Variants in WDR43 observed in about 807,000 individuals in gnomAD.
WDR43 encodes the protein WD repeat-containing protein 43.
Under a neutral mutation model 91.4 loss-of-function variants are expected in WDR43, and 13 were observed. The observed-to-expected ratio is 0.14, with a 90% CI of 0.09 to 0.23. The LOEUF (loss-of-function observed/expected upper bound fraction) is 0.23. WDR43 is among the 10% of genes least tolerant of loss of function. The pLI is 1.00. For synonymous variants in WDR43, 331 were observed against 287.9 expected, an observed-to-expected ratio of 1.15 and a Z score of -1.51; for missense variants, 780 against 809.4, an observed-to-expected ratio of 0.96 and a Z score of 0.44.
chr2:28,901,182 C>A (rs1402281273), intron 1 of WDR43, among the ~76,000 whole-genome samples: 1 of 152,058 alleles, frequency 6.6e-6, no homozygotes, highest in Non-Finnish European at 1.5e-5. Context: ...GGCTGGTGAG[C>A]CGTAATTTAA....
chr2:28,920,249 AGAGTCTTGCTCTGTCACCCAGGCTG>A (rs1670999032), intron 6 of WDR43, among the ~76,000 whole-genome samples: 1 of 132,874 alleles, frequency 7.5e-6, no homozygotes, highest in South Asian at 2.4e-4. Flanking sequence ...TTTTTGAGAC[AGAGTCTTGCTCTGTCACCCAGGCTG>A]GAGTGTAGTG....
Position 28,935,516 on chromosome 2 carries a change from C to T in WDR43, c.1438-5C>T, listed in dbSNP as rs1357667264. On this transcript the variant is annotated splice_polypyrimidine_tract_variant and splice_region_variant and intron_variant, in intron 11 of 17. Transcript: ENST00000407426. ...CATCTTAATAATCCTTTTATTTTCT[C>T]ACAGAAAGTACTTCAAACTAGGAAT... 2 of 1,567,550 alleles carry T rather than the reference C, an allele frequency of 1.3e-6. No individual in the cohort carries two copies. The highest frequency in any genetic ancestry group is 3.8e-5 in the Admixed American group (2 of 53,282).
chr2:28,925,881 C>T (rs1671129066), intron 8 of WDR43, among the ~76,000 whole-genome samples: 1 of 152,100 alleles, frequency 6.6e-6, no homozygotes, highest in Non-Finnish European at 1.5e-5. Flanking sequence ...TGTTTGCAGC[C>T]ATTGTTGACT....
intron 2 of WDR43, among the ~76,000 whole-genome samples, chr2:28,903,645 T>TC (rs1295278039): frequency 6.6e-6 from 1 of 152,136 alleles, no homozygotes. Flanking sequence ...CCTATATTCT[T>TC]CCCCCCTCCT....
chr2:28,943,988 G>T (rs907951384), intron 16 of WDR43, among the ~76,000 whole-genome samples: 1 of 152,194 alleles, frequency 6.6e-6, no homozygotes, highest in African/African-American at 2.4e-5. Context: ...CAAAGTGCTT[G>T]TGTGTATCCC....
Position 28,918,158 on chromosome 2 carries a change from A to G in WDR43, c.849+163A>G, listed in dbSNP as rs2148187356. 2.6e-5 allele frequency among the ~76,000 whole-genome samples: 4 copies of G among 152,324 alleles called. 1 individual carries two copies. Among genetic ancestry groups the G allele is most frequent in the Admixed American group, 2.6e-4 (4 of 15,300 alleles). ...TGTTCAAAGGAACTTAAATCACTGT[A>G]ATAATCTCTTATGGGGGAAGGGAAA... On this transcript the variant is annotated intron_variant, in intron 6 of 17. Coordinates refer to ENST00000407426, the MANE Select transcript of WDR43 (RefSeq NM_015131.3).
At chr2:28,909,283 C>T (rs1448625679) in intron 3 of WDR43, among the ~76,000 whole-genome samples, 1 of 152,078 alleles carries the variant, frequency 6.6e-6, no homozygotes, top group Non-Finnish European at 1.5e-5. Context: ...GGATTATGGG[C>T]ACCTGCCACC....
At chr2:28,938,597 ACTTTAAG>A (rs1671378346) in intron 14 of WDR43, among the ~76,000 whole-genome samples, 1 of 152,024 alleles carries the variant, frequency 6.6e-6, no homozygotes, top group Non-Finnish European at 1.5e-5. Flanking sequence ...CTAGTGCTTT[ACTTTAAG>A]CTTTAAGTTT....
In WDR43 at chr2:28,929,680, C is replaced by T; in HGVS notation, c.1407C>T (p.Gly469=). ...GCTTTCCAGTTCTTCTTACCCAGGG[C>T]TTAGAAAGTAACGATTTTGAAATGC... The part of the protein sequence containing the change: ...TNSFPVLLTQ[G]LESNDFEMLN... Residue 469 remains glycine (G), a synonymous_variant, in exon 11 of 18, where the codon GGC becomes GGT. Transcript: ENST00000407426. 6.2e-7 allele frequency: 1 copy of T among 1,613,216 alleles called. No individual in the cohort carries two copies. Among genetic ancestry groups the T allele is most frequent in the Non-Finnish European group, 8.5e-7 (1 of 1,179,664 alleles).
chr2:28,895,169 A>G (rs367682271), intron 1 of WDR43: 240 of 344,660 alleles, frequency 7.0e-4, no homozygotes, highest in Non-Finnish European at 8.5e-4. Context: ...GGCTGGCCCA[A>G]TGAGGCCTGG....
At chr2:28,922,803 T>TTTTG (rs1671058937) in intron 6 of WDR43, 116 bp from the exon 7 acceptor site, 1 of 408,738 alleles carries the variant, frequency 2.4e-6, no homozygotes, top group Non-Finnish European at 4.1e-6. Flanking sequence ...CTGTGTTTTT[T>TTTTG]TTTTTTTTTT....
intron 8 of WDR43, 40 bp downstream of exon 8, chr2:28,925,193 C>T: frequency 6.5e-7 from 1 of 1,537,546 alleles, no homozygotes; most frequent in Non-Finnish European, 8.8e-7. Context: ...ATATAGCATC[C>T]CTGTGTCCAT....
intron 15 of WDR43, 142 bp from the exon 16 acceptor site, chr2:28,942,170 T>G (rs567978443): frequency 1.5e-6 from 1 of 681,368 alleles, no homozygotes; most frequent in Non-Finnish European, 2.5e-6. Context: ...ACTTTTTTGC[T>G]CTGTATTGTA....
At chr2:28,895,957 T>C (rs971160191) in intron 1 of WDR43, 3 of 152,210 alleles carry the variant, frequency 2.0e-5, no homozygotes, top group African/African-American at 4.8e-5. Context: ...AATTTTTGGG[T>C]TGGGAAAAGG....
intron 10 of WDR43, chr2:28,927,961 A>C (rs924144418): frequency 2.8e-6 from 1 of 363,424 alleles, no homozygotes; most frequent in Non-Finnish European, 5.0e-6. Flanking sequence ...GTAACATAAA[A>C]TGGAATAAGT....
intron 8 of WDR43, among the ~76,000 whole-genome samples, chr2:28,925,726 G>A (rs527613319): frequency 4.6e-5 from 7 of 152,164 alleles, no homozygotes; most frequent in African/African-American, 1.7e-4. Flanking sequence ...CGTTTACTTC[G>A]TATGATCCTC....
intron 11 of WDR43, among the ~76,000 whole-genome samples, chr2:28,933,465 G>C (rs1671285375): frequency 1.3e-5 from 2 of 152,162 alleles, no homozygotes; most frequent in African/African-American, 4.8e-5. Context: ...TTGTGAACAA[G>C]AGTGGGGAAA....
At position 28,917,876 on chromosome 2, in the gene WDR43, C is replaced by G. The variant is rs1350575940; in HGVS notation, c.747-17C>G. 3 of 1,559,470 alleles carry G rather than the reference C, an allele frequency of 1.9e-6. No homozygotes were observed. The South Asian group carries it at 3.6e-5, about 19-fold the overall frequency. ...TAAATCTGTCTTGCTATCTAACTTG[C>G]TGGTTTTGTTATCTAGGCAGGTCCG... On this transcript the variant is annotated splice_polypyrimidine_tract_variant and intron_variant, in intron 5 of 17. Transcript: ENST00000407426.
At chr2:28,923,392 G>C (rs1416935429) in intron 7 of WDR43, among the ~76,000 whole-genome samples, 5 of 152,164 alleles carry the variant, frequency 3.3e-5, no homozygotes, top group Non-Finnish European at 7.3e-5. Context: ...CCAGGAGTCA[G>C]CAAACCGGCT....
Sources: allele counts gnomAD v4.1 joint callset (sites outside exome capture counted in the v4.1 genomes callset), GRCh38; gene constraint gnomAD v4.1.1; transcripts MANE v1.5; gene names NCBI Gene and HGNC (gene_info 2026-07-23, HGNC 2026-07-21).